Variants in CARD14 observed in about 807,000 individuals in gnomAD.
The protein encoded by CARD14 is caspase recruitment domain-containing protein 14.
A neutral mutation model predicts 111.5 loss-of-function variants in CARD14; 107 were observed. The observed-to-expected ratio is 0.96, with a 90% CI of 0.82 to 1.13. The LOEUF (loss-of-function observed/expected upper bound fraction) is 1.13, where lower values mean the gene tolerates loss of function less well. Ranked by LOEUF, CARD14 falls within the 50% of genes most tolerant of loss-of-function variation. CARD14 has a pLI of 0.00. For missense variants in CARD14, 1,322 were observed against 1,362.3 expected (o/e 0.97, Z 0.47); for synonymous variants, 617 against 579.6 (o/e 1.06, Z -0.93).
chr17:80,204,982 C>T, intron 20 of CARD14, 53 bp from the exon 21 acceptor site: 1 of 1,455,500 alleles, frequency 6.9e-7, no homozygotes. Flanking sequence ...GCAGGGTAGG[C>T]TGGCTGGGGG....
Position 80,184,108 on chromosome 17 carries a change from G to A in CARD14, c.545G>A (p.Arg182His), listed in dbSNP as rs149514734. 5.9e-5 allele frequency: 93 copies of A among 1,578,936 alleles called. No individual in the cohort carries two copies. Among genetic ancestry groups the A allele is most frequent in the Non-Finnish European group, 7.0e-5 (81 of 1,162,918 alleles). ...QLEADHSRMK[R>H]EVSAHFHEVL... The stretch of plus-strand genomic sequence containing the variant: ...GAGGCTGACCACAGCCGCATGAAGC[G>A]TGAGGTTAGCGCACACTTCCATGAG... Residue 182 changes from arginine to histidine, a missense_variant, in exon 7 of 24, where the codon CGT (arginine) becomes CAT (histidine). Coordinates refer to ENST00000648509, the MANE Select transcript of CARD14 (RefSeq NM_001366385.1).
At chr17:80,191,895 G>A (rs901915153) in intron 11 of CARD14, among the ~76,000 whole-genome samples, 1 of 152,184 alleles carries the variant, frequency 6.6e-6, no homozygotes, top group African/African-American at 2.4e-5. Flanking sequence ...TGTAACGGAG[G>A]GAGCGTGTTC....
chr17:80,198,383 G>C lies in CARD14; in HGVS notation c.1659-16G>C. On this transcript the variant is annotated splice_polypyrimidine_tract_variant and intron_variant, in intron 15 of 23. Coordinates refer to ENST00000648509, the MANE Select transcript of CARD14 (RefSeq NM_001366385.1). This position sits in a 1 kb window ranked among gnomAD's most constrained non-coding sequence, Gnocchi z 7.5. ...GCTCTGGGCAGTGCACAAGCCGGTC[G>C]TCTCCCGGCCTGCAGCGGCGTCCTC... 1 of 1,588,232 alleles carries C rather than the reference G, an allele frequency of 6.3e-7. No individual in the cohort carries two copies. The highest frequency in any genetic ancestry group is 8.6e-7 in the Non-Finnish European group (1 of 1,164,390).
chr17:80,178,303 A>G (rs1387768218), intron 2 of CARD14, among the ~76,000 whole-genome samples: 2 of 152,174 alleles, frequency 1.3e-5, no homozygotes, highest in Admixed American at 6.5e-5. Context: ...GGTCCATTCT[A>G]GAAGTCTGCT....
chr17:80,192,703 T>C (rs1045946423), intron 12 of CARD14, 84 bp downstream of exon 12: 5 of 890,640 alleles, frequency 5.6e-6, no homozygotes, highest in Admixed American at 2.0e-5. Context: ...AAAGTGAGCC[T>C]CCTTCCACCC....
At chr17:80,183,301 G>A (rs566378129) in intron 6 of CARD14, among the ~76,000 whole-genome samples, 2 of 152,348 alleles carry the variant, frequency 1.3e-5, no homozygotes, top group South Asian at 4.1e-4. Context: ...AAAGATTTAG[G>A]TATTGAAAGG....
rs1409224377 is a variant in CARD14 at position 80,201,913 on chromosome 17, A to ACTCCATGAC, written c.1978+45_1978+53dup. 1 of 1,571,382 alleles carries ACTCCATGAC rather than the reference A, an allele frequency of 6.4e-7. No individual in the cohort carries two copies. Among genetic ancestry groups the ACTCCATGAC allele is most frequent in the East Asian group, 2.3e-5 (1 of 44,428 alleles). On this transcript the variant is annotated intron_variant, in intron 17 of 23. Transcript: ENST00000648509. The surrounding 1 kb of genome is among the most constrained non-coding windows in gnomAD (Gnocchi z 5.0). ...CTCGTGTGCACAGCTGCCTGGCCAG[A>ACTCCATGAC]CTCCATGACCCTTAAGTCCCTGGTG... is the stretch of plus-strand genomic sequence containing the variant.
chr17:80,205,420 G>A (rs2041243585), intron 21 of CARD14, 111 bp from the exon 22 acceptor site: 10 of 1,427,756 alleles, frequency 7.0e-6, no homozygotes, highest in Admixed American at 4.2e-5. Context: ...ATCCTAAGAA[G>A]AGCTTCTCCC....
intron 2 of CARD14, among the ~76,000 whole-genome samples, chr17:80,177,792 G>A (rs143992778): frequency 3.4e-4 from 52 of 152,124 alleles, no homozygotes; most frequent in African/African-American, 7.0e-4. Context: ...CAATCTGCCC[G>A]CCTTGGCCTT....
At position 80,198,539 on chromosome 17, in the gene CARD14, C is replaced by T. The variant is rs746260783; in HGVS notation, c.1799C>T (p.Pro600Leu). ...GGCATCTTCATCCACCGGGTCACCC[C>T]GGGCTCGGCGGCGGACCAGATGGCC... ...LTGIFIHRVT[P>L]GSAADQMALR... Residue 600 changes from proline to leucine, a missense_variant, in exon 16 of 24, where the codon CCG becomes CTG. Transcript: ENST00000648509. This position sits in a 1 kb window ranked among gnomAD's most constrained non-coding sequence, Gnocchi z 7.5. The T allele has an allele frequency of 1.8e-5, 29 of 1,613,070 alleles. No homozygotes were observed. Among genetic ancestry groups the T allele is most frequent in the Middle Eastern group, 3.3e-4 (2 of 6,084 alleles).
In CARD14 at chr17:80,195,661, G is replaced by A. The variant is rs779044291; in HGVS notation, c.1594+9G>A. ...GCTCCTAGACACGGCAGGTGAGCAC[G>A]CCCAACCCTGAACCTCCACAGCAGT... On this transcript the variant is annotated intron_variant, in intron 14 of 23. Coordinates refer to ENST00000648509, the MANE Select transcript of CARD14 (RefSeq NM_001366385.1). The surrounding 1 kb of genome is among the most constrained non-coding windows in gnomAD (Gnocchi z 4.7). The A allele has an allele frequency of 3.2e-5, 51 of 1,607,346 alleles. No homozygotes were observed. Among genetic ancestry groups the A allele is most frequent in the Admixed American group, 1.5e-4 (9 of 59,230 alleles).
At chr17:80,184,476 C>T (rs544854009) in intron 7 of CARD14, among the ~76,000 whole-genome samples, 3 of 152,154 alleles carry the variant, frequency 2.0e-5, no homozygotes, top group Admixed American at 6.5e-5. Context: ...AGTAGCTGCC[C>T]GTGGCCTGGC....
At position 80,203,612 on chromosome 17, in the gene CARD14, C is replaced by T. The variant is rs1010369631; in HGVS notation, c.2220-210C>T. On this transcript the variant is annotated intron_variant, in intron 18 of 23. Coordinates refer to ENST00000648509, the MANE Select transcript of CARD14 (RefSeq NM_001366385.1). The surrounding 1 kb of genome is among the most constrained non-coding windows in gnomAD (Gnocchi z 4.6). ...TAAATCAGCATCTCCAGGGGTGGGC[C>T]GAGGCCCTGGAGTCTTTTGAAAGCT... The T allele has an allele frequency of 9.9e-5, 50 of 505,064 alleles. 1 individual carries two copies. In the Middle Eastern group the frequency reaches 1.6e-3, roughly 16 times the overall value. The allele number at this position is 505,064 out of a possible 1,614,324, so 31.3% of individuals were successfully genotyped here.
chr17:80,202,677 AC>A, intron 18 of CARD14: 3 of 1,221,788 alleles, frequency 2.5e-6, no homozygotes, highest in Non-Finnish European at 2.1e-6. Flanking sequence ...TAGCTTTGGT[AC>A]CATGGACGTT....
chr17:80,195,536 T>C lies in CARD14; in HGVS notation c.1500-22T>C. 1 of 1,599,260 alleles carries C rather than the reference T, an allele frequency of 6.3e-7. No homozygotes were observed. Among genetic ancestry groups the C allele is most frequent in the South Asian group, 1.1e-5 (1 of 89,788 alleles). ...GGGAGCAGGTGATGCAGTTTGAGCC[T>C]GCTGCTGCTTATGCTTTGCAGCAGC... On this transcript the variant is annotated intron_variant, in intron 13 of 23. Transcript: ENST00000648509. This position sits in a 1 kb window ranked among gnomAD's most constrained non-coding sequence, Gnocchi z 4.7.
Position 80,205,029 on chromosome 17 carries a change from CCACAGGCTCCAG to C in CARD14, c.2399-2_2408del. ...TCACCCACCCTCAGGATCCTCTCCT[CCACAGGCTCCAG>C]CACGTGCTTCTGGGCCGAGAGCTGC... On this transcript the variant is annotated splice_acceptor_variant and splice_polypyrimidine_tract_variant and coding_sequence_variant and intron_variant, in exon 21 of 24. Coordinates refer to ENST00000648509, the MANE Select transcript of CARD14 (RefSeq NM_001366385.1). LOFTEE classifies it high-confidence loss of function. The C allele has an allele frequency of 6.4e-7, 1 of 1,573,264 alleles. No homozygotes were observed. Among genetic ancestry groups the C allele is most frequent in the Non-Finnish European group, 8.6e-7 (1 of 1,158,004 alleles).
chr17:80,199,064 C>A (rs993273978), intron 16 of CARD14: 19 of 275,128 alleles, frequency 6.9e-5, no homozygotes, highest in African/African-American at 4.1e-4. Flanking sequence ...ATCCTCCCAC[C>A]TCAGCCTCTT....
chr17:80,182,881 C>A lies in CARD14; in HGVS notation c.349+91C>A. ...GGTGCCCCGCTTACTTGCCGATTTG[C>A]CCTACTCCCCCTTCCCTCCAGGCTG... On this transcript the variant is annotated intron_variant, in intron 6 of 23. Transcript: ENST00000648509. This position sits in a 1 kb window ranked among gnomAD's most constrained non-coding sequence, Gnocchi z 4.7. The A allele has an allele frequency of 6.8e-7, 1 of 1,462,260 alleles. No homozygotes were observed. 90.6% of individuals were successfully genotyped at this position (1,462,260 alleles called of 1,614,324 possible).
At chr17:80,197,828 T>TAA (rs2040774223) in intron 14 of CARD14, among the ~76,000 whole-genome samples, 3 of 152,326 alleles carry the variant, frequency 2.0e-5, no homozygotes, top group South Asian at 4.1e-4. Flanking sequence ...CCTCACTAGT[T>TAA]ACAGTGATTT....
Sources: allele counts gnomAD v4.1 joint callset (sites outside exome capture counted in the v4.1 genomes callset), GRCh38; gene constraint gnomAD v4.1.1; non-coding constraint Gnocchi (gnomAD v3.1); transcripts MANE v1.5; gene names NCBI Gene and HGNC (gene_info 2026-07-23, HGNC 2026-07-21).